The following MYLK variants were observed in gnomAD, a reference collection of about 807,000 sequenced individuals.
MYLK encodes the protein myosin light chain kinase, also known as myosin light chain kinase, smooth muscle.
In MYLK, 106 loss-of-function variants were observed where a neutral mutation model predicts 203.4. That is an observed-to-expected ratio of 0.52 (90% CI 0.45 to 0.61). The LOEUF is 0.61. MYLK is among the 20% of genes least tolerant of loss of function. The probability of loss-of-function intolerance (pLI) is 0.00; values close to 1 mark genes in which losing one functional copy is unlikely to be tolerated. For synonymous variants in MYLK, 867 were observed against 959.5 expected, an observed-to-expected ratio of 0.90 and a Z score of 1.78; for missense variants, 2,072 against 2,442.3, an observed-to-expected ratio of 0.85 and a Z score of 3.20.
At chr3:123,719,256 G>A (rs116514115) in intron 13 of MYLK, among the ~76,000 whole-genome samples, 1,620 of 152,264 alleles carry the variant, frequency 0.011, 14 homozygotes, top group South Asian at 0.023. Flanking sequence ...AACCACCCCC[G>A]AGAGAAGACA....
At position 123,629,375 on chromosome 3, in the gene MYLK, G is replaced by C; in HGVS notation, c.5114+99C>G. On this transcript the variant is annotated intron_variant, in intron 30 of 33. Transcript: ENST00000360304. This position sits in a 1 kb window ranked among gnomAD's most constrained non-coding sequence, Gnocchi z 4.4. Reference sequence around the variant, plus strand: ...AATGCTAGGAACGACCCAAGGCGGGGTGGCAAGGAGGGCACCCCAACAGGC... The same window carrying C: ...AATGCTAGGAACGACCCAAGGCGGGCTGGCAAGGAGGGCACCCCAACAGGC... 4 of 1,458,052 alleles carry C rather than the reference G, an allele frequency of 2.7e-6. No individual in the cohort carries two copies. The South Asian group carries it at 3.5e-5, about 13-fold the overall frequency. The allele number at this position is 1,458,052 out of a possible 1,614,324, so 90.3% of individuals were successfully genotyped here. A position where few individuals can be genotyped will look rare whatever the true frequency, so the allele number is the denominator to read the frequency against.
intron 23 of MYLK, among the ~76,000 whole-genome samples, chr3:123,657,920 G>T (rs1306548615): frequency 6.6e-6 from 1 of 152,188 alleles, no homozygotes; most frequent in Non-Finnish European, 1.5e-5. Context: ...CCCACCAAGG[G>T]GTGGTATAGC....
At chr3:123,729,723 T>C (rs2062411147) in intron 11 of MYLK, among the ~76,000 whole-genome samples, 1 of 149,288 alleles carries the variant, frequency 6.7e-6, no homozygotes, top group South Asian at 2.1e-4. Context: ...TCTACAAAAA[T>C]AAACAAAATT....
At chr3:123,625,756 G>A (rs1298231494) in intron 31 of MYLK, among the ~76,000 whole-genome samples, 13 of 149,582 alleles carry the variant, frequency 8.7e-5, no homozygotes, top group South Asian at 2.1e-4. Context: ...GCAGTGAGCC[G>A]AGATCGTGCC....
chr3:123,629,682 G>T lies in MYLK; in HGVS notation c.4962-56C>A, dbSNP rs1168664215. Reference sequence around the variant, plus strand: ...GGCTAGGAGAGGGCGCGACGACCAGGTGAGTGGTAACTGAGGTCAAAGGCG... The same window carrying T: ...GGCTAGGAGAGGGCGCGACGACCAGTTGAGTGGTAACTGAGGTCAAAGGCG... On this transcript the variant is annotated intron_variant, in intron 29 of 33. Coordinates refer to ENST00000360304, the MANE Select transcript of MYLK (RefSeq NM_053025.4). The surrounding 1 kb of genome is among the most constrained non-coding windows in gnomAD (Gnocchi z 4.4). The T allele has an allele frequency of 3.6e-5, 57 of 1,601,806 alleles. No homozygotes were observed. Among genetic ancestry groups the T allele is most frequent in the Non-Finnish European group, 4.8e-5 (56 of 1,170,918 alleles).
intron 4 of MYLK, among the ~76,000 whole-genome samples, chr3:123,765,168 T>A (rs940683425): frequency 6.6e-6 from 1 of 152,174 alleles, no homozygotes; most frequent in Non-Finnish European, 1.5e-5. Context: ...AGTTCCATTA[T>A]CATATGATCC....
Position 123,725,977 on chromosome 3 carries a change from T to A in MYLK, c.1618A>T (p.Thr540Ser), listed in dbSNP as rs927903236. ...AGCCAAGTGATCCGGGGCACTGGGG[T>A]CCCCCGTACGGAGCACTGCAGCACA... is the stretch of plus-strand genomic sequence containing the variant. ...DFVLQCSVRG[T>S]PVPRITWLLN... is the part of the protein sequence containing the mutation. The change falls in exon 12 of 34, where the codon ACC (threonine) becomes TCC (serine). Residue 540 changes from threonine to serine, a missense_variant. By Grantham distance (58) the Thr-to-Ser change is moderately conservative. Around this residue, in one of 3 missense-constraint regions of MYLK, gnomAD observed 865 missense variants for 1,016.0 expected, o/e 0.85. Transcript: ENST00000360304. 8.7e-6 allele frequency: 14 copies of A among 1,613,710 alleles called. No homozygotes were observed. Among genetic ancestry groups the A allele is most frequent in the Non-Finnish European group, 1.1e-5 (13 of 1,179,904 alleles).
At chr3:123,658,882 CA>C (rs2059476165) in intron 23 of MYLK, among the ~76,000 whole-genome samples, 1 of 152,212 alleles carries the variant, frequency 6.6e-6, no homozygotes, top group South Asian at 2.1e-4. Context: ...TGCCGATCCA[CA>C]TTCCAGCCCA....
intron 2 of MYLK, among the ~76,000 whole-genome samples, chr3:123,847,351 C>A (rs902114691): frequency 5.3e-5 from 8 of 152,068 alleles, no homozygotes; most frequent in East Asian, 1.9e-4. Flanking sequence ...CCAAGAAAAT[C>A]TTATTGGTAT....
At chr3:123,618,555 A>G (rs2057648138) in intron 33 of MYLK, 84 bp downstream of exon 33, 4 of 1,585,626 alleles carry the variant, frequency 2.5e-6, no homozygotes, top group Middle Eastern at 1.7e-4. Flanking sequence ...CACAGAACTG[A>G]CTTCTTGCCC....
At chr3:123,620,147 T>C (rs1158719608) in intron 32 of MYLK, 60 bp downstream of exon 32, 23 of 1,425,072 alleles carry the variant, frequency 1.6e-5, no homozygotes, top group Non-Finnish European at 9.9e-7. Context: ...AACCTCAAAA[T>C]GCCCCTTTGT....
intron 16 of MYLK, among the ~76,000 whole-genome samples, chr3:123,702,190 G>C (rs1475786645): frequency 6.6e-6 from 1 of 152,166 alleles, no homozygotes; most frequent in Non-Finnish European, 1.5e-5. Flanking sequence ...GGGAGGGGCT[G>C]TACCCTGTCT....
Position 123,757,844 on chromosome 3 carries a change from CCTGT to C in MYLK, c.166-5310_166-5307del, listed in dbSNP as rs367784699. Among the ~76,000 whole-genome samples, 80 of 152,274 alleles carry C rather than the reference CCTGT, an allele frequency of 5.3e-4. 1 individual carries two copies. In the South Asian group the frequency reaches 0.014, roughly 27 times the overall value. ...TGTATTCATGATTGTTGCCTGCCTG[CCTGT>C]AACACATTACTGTGAACTTCTTACC... is the stretch of plus-strand genomic sequence containing the variant. On this transcript the variant is annotated intron_variant, in intron 4 of 33. Transcript: ENST00000360304.
chr3:123,661,743 G>T (rs1308410932), intron 23 of MYLK, among the ~76,000 whole-genome samples: 3 of 152,146 alleles, frequency 2.0e-5, no homozygotes, highest in Non-Finnish European at 2.9e-5. Flanking sequence ...AAGAGAGAAG[G>T]TAAACAGAAA....
At chr3:123,731,045 C>T (rs1032547219) in intron 11 of MYLK, among the ~76,000 whole-genome samples, 1 of 152,094 alleles carries the variant, frequency 6.6e-6, no homozygotes, top group Non-Finnish European at 1.5e-5. Flanking sequence ...GCAGAAGAAG[C>T]CACAGGAGAA....
chr3:123,852,052 G>T (rs532121973), intron 2 of MYLK, among the ~76,000 whole-genome samples: 1 of 152,318 alleles, frequency 6.6e-6, no homozygotes, highest in East Asian at 1.9e-4. Flanking sequence ...TACGTTTATT[G>T]ATTTGCGTAT....
At chr3:123,852,244 T>A (rs1044117864) in intron 2 of MYLK, among the ~76,000 whole-genome samples, 6 of 152,234 alleles carry the variant, frequency 3.9e-5, no homozygotes, top group African/African-American at 1.4e-4. Flanking sequence ...GGTATCAGGA[T>A]GATGCTGGCC....
chr3:123,803,065 A>C (rs2065250074), intron 3 of MYLK, among the ~76,000 whole-genome samples: 1 of 152,196 alleles, frequency 6.6e-6, no homozygotes, highest in Non-Finnish European at 1.5e-5. Flanking sequence ...ACTGAAGCCC[A>C]GGAAATCGAC....
chr3:123,639,333 T>C (rs2058751784), intron 28 of MYLK, among the ~76,000 whole-genome samples: 1 of 152,210 alleles, frequency 6.6e-6, no homozygotes, highest in Admixed American at 6.5e-5. Context: ...CGCCCCTGCT[T>C]ACCCCTTTCC....
Sources: gnomAD v4.1 joint callset for allele counts (sites outside exome capture counted in the v4.1 genomes callset) on GRCh38, gnomAD v4.1.1 for gene constraint, gnomAD v4.1.1 regional missense constraint, Gnocchi (gnomAD v3.1) non-coding constraint, MANE v1.5 for transcripts, NCBI Gene and HGNC (gene_info 2026-07-23, HGNC 2026-07-21) for gene names.